Variants in BCO1 observed in about 807,000 individuals in gnomAD.
BCO1 encodes beta-carotene oxygenase 1.
In BCO1, 54 loss-of-function variants were observed where a neutral mutation model predicts 56.3. The ratio of observed to expected loss-of-function variants is 0.96; its 90% confidence interval spans 0.77 to 1.20. The LOEUF is 1.20. Among genes scored for constraint, BCO1 ranks in the 50% most tolerant of loss-of-function variants. The probability of loss-of-function intolerance (pLI) is 0.00; values close to 1 mark genes in which losing one functional copy is unlikely to be tolerated. For missense variants in BCO1, 801 were observed against 690.9 expected (o/e 1.16, Z -1.79); for synonymous variants, 318 against 266.1 (o/e 1.20, Z -1.90).
intron 2 of BCO1, among the ~76,000 whole-genome samples, chr16:81,258,791 A>G (rs1170138880): frequency 1.3e-5 from 2 of 152,240 alleles, no homozygotes; most frequent in East Asian, 1.9e-4. Flanking sequence ...CGGGTAATTT[A>G]TAAAGAAAAG....
chr16:81,245,268 C>G (rs1288274941), intron 1 of BCO1, among the ~76,000 whole-genome samples: 2 of 152,210 alleles, frequency 1.3e-5, no homozygotes, highest in Non-Finnish European at 2.9e-5. Context: ...AGTTTGAGGA[C>G]AGGGACAGTG....
At chr16:81,241,865 T>G (rs6564856) in intron 1 of BCO1, among the ~76,000 whole-genome samples, 50,536 of 151,980 alleles carry the variant, frequency 0.33, 8,581 homozygotes, top group East Asian at 0.37. Flanking sequence ...GTTTTGGCTT[T>G]GTAACTGGCT....
chr16:81,265,937 C>G (rs1158369112), intron 5 of BCO1, among the ~76,000 whole-genome samples: 3 of 151,894 alleles, frequency 2.0e-5, no homozygotes, highest in Non-Finnish European at 1.5e-5. Flanking sequence ...TACCACCCAT[C>G]TATTCACTCA....
chr16:81,256,399 A>G (rs1222944170), intron 2 of BCO1, among the ~76,000 whole-genome samples: 1 of 152,162 alleles, frequency 6.6e-6, no homozygotes, highest in Admixed American at 6.6e-5. Flanking sequence ...ATTGGAATGC[A>G]ATGTCACTGT....
rs145498360 is a variant in BCO1, at chr16:81,279,853, G to T, written c.1102-1004G>T. Reference sequence around the variant, plus strand: ...ACCAAATAATTTTTATTGCATGTTTGTTTTCATTTCTGCAGTGATAACTTT... The same window carrying T: ...ACCAAATAATTTTTATTGCATGTTTTTTTTCATTTCTGCAGTGATAACTTT... On this transcript the variant is annotated intron_variant, in intron 7 of 10. Transcript: ENST00000258168. Among the ~76,000 whole-genome samples the T allele has an allele frequency of 2.0e-5, 3 of 152,228 alleles. No individual in the cohort carries two copies. The East Asian group carries it at 5.8e-4, about 29-fold the overall frequency.
At chr16:81,281,644 T>A (rs1276230924) in intron 8 of BCO1, among the ~76,000 whole-genome samples, 1 of 151,658 alleles carries the variant, frequency 6.6e-6, no homozygotes, top group African/African-American at 2.4e-5. Flanking sequence ...GGCCTGGGAG[T>A]CCTTGAGGTA....
intron 7 of BCO1, among the ~76,000 whole-genome samples, chr16:81,273,979 C>T (rs9937350): frequency 0.78 from 118,108 of 152,192 alleles, 46,387 homozygotes; most frequent in African/African-American, 0.89. Flanking sequence ...TGAACAGCCA[C>T]GTCCCATGAA....
At chr16:81,254,390 A>G (rs945920606) in intron 2 of BCO1, among the ~76,000 whole-genome samples, 1 of 143,250 alleles carries the variant, frequency 7.0e-6, no homozygotes, top group Non-Finnish European at 1.5e-5. Context: ...ACCTCAGACG[A>G]TCCGCCCATC....
chr16:81,269,575 C>A lies in BCO1; in HGVS notation c.844-584C>A, dbSNP rs1466945396. Among the ~76,000 whole-genome samples the A allele has an allele frequency of 3.3e-5, 5 of 152,194 alleles. No individual in the cohort carries two copies. The East Asian group carries it at 9.6e-4, about 29-fold the overall frequency. ...CTCCACCTCCTGGGTTCAAGCGATT[C>A]TCCTGCCTCCACCTCCTGAGTAGTT... On this transcript the variant is annotated intron_variant, in intron 6 of 10. Transcript: ENST00000258168.
intron 2 of BCO1, among the ~76,000 whole-genome samples, chr16:81,251,000 CA>C (rs1905762854): frequency 6.6e-6 from 1 of 152,184 alleles, no homozygotes; most frequent in African/African-American, 2.4e-5. Context: ...TGAGGTTTGA[CA>C]ATCCCTCCAC....
intron 1 of BCO1, among the ~76,000 whole-genome samples, chr16:81,242,063 A>G (rs1175863154): frequency 2.6e-5 from 4 of 151,826 alleles, no homozygotes; most frequent in Non-Finnish European, 5.9e-5. Context: ...TGTCCTATCT[A>G]GGGCTTTAAT....
chr16:81,257,746 G>T (rs1159107827), intron 2 of BCO1, among the ~76,000 whole-genome samples: 3 of 151,840 alleles, frequency 2.0e-5, no homozygotes, highest in Admixed American at 6.6e-5. Context: ...GGGCATGGTG[G>T]CACATGCCTG....
At chr16:81,282,429 TC>T (rs1907935480) in intron 8 of BCO1, among the ~76,000 whole-genome samples, 1 of 152,242 alleles carries the variant, frequency 6.6e-6, no homozygotes, top group East Asian at 1.9e-4. Context: ...AGAGCCTTGT[TC>T]CATCAGCTGC....
intron 1 of BCO1, among the ~76,000 whole-genome samples, chr16:81,244,643 C>G (rs1567697393): frequency 6.6e-6 from 1 of 152,062 alleles, no homozygotes. Context: ...ACCACACCCT[C>G]CTGCTCTCAG....
Position 81,280,889 on chromosome 16 carries a change from G to A in BCO1, c.1134G>A (p.Val378=), listed in dbSNP as rs1165503120. The A allele has an allele frequency of 2.5e-6, 4 of 1,614,014 alleles. No homozygotes were observed. Among genetic ancestry groups the A allele is most frequent in the African/African-American group, 1.3e-5 (1 of 75,038 alleles). ...AAGTGGGCACAAATTTAATCAAAGT[G>A]GCATCTACAACAGCCACGGCCCTGA... is the stretch of plus-strand genomic sequence containing the variant. ...NAEVGTNLIK[V]ASTTATALKE... Residue 378 remains valine, a synonymous_variant, in exon 8 of 11, where the codon GTG becomes GTA. Coordinates refer to ENST00000258168, the MANE Select transcript of BCO1 (RefSeq NM_017429.3).
intron 6 of BCO1, among the ~76,000 whole-genome samples, chr16:81,268,473 C>T (rs1238567781): frequency 6.6e-6 from 1 of 152,178 alleles, no homozygotes; most frequent in East Asian, 1.9e-4. Flanking sequence ...CACCTCCGCC[C>T]TGTTGACAAG....
intron 7 of BCO1, among the ~76,000 whole-genome samples, chr16:81,273,339 C>T (rs554264499): frequency 6.6e-6 from 1 of 152,244 alleles, no homozygotes; most frequent in Admixed American, 6.5e-5. Context: ...TCCCCAGTAG[C>T]CCTAAGTCCT....
At chr16:81,287,868 G>A (rs1192007570) in intron 10 of BCO1, among the ~76,000 whole-genome samples, 2 of 152,124 alleles carry the variant, frequency 1.3e-5, no homozygotes, top group Non-Finnish European at 2.9e-5. Flanking sequence ...CTGCCAGCCA[G>A]GAAGCTCCCC....
Position 81,287,393 on chromosome 16 carries a change from G to A in BCO1, c.1401G>A (p.Lys467=). The change falls in exon 10 of 11, where the codon AAG becomes AAA. Residue 467 remains lysine, a synonymous_variant. Transcript: ENST00000258168. ...TGTTTGTGCCCGCGCCAGGTGCCAA[G>A]GATGAGGATGACGGTAAGACTCTAA... The part of the protein sequence containing the change: ...EPLFVPAPGA[K]DEDDGVILSA... The A allele has an allele frequency of 6.2e-7, 1 of 1,613,792 alleles. No individual in the cohort carries two copies.
Sources: allele counts gnomAD v4.1 joint callset (sites outside exome capture counted in the v4.1 genomes callset), GRCh38; gene constraint gnomAD v4.1.1; transcripts MANE v1.5; gene names NCBI Gene and HGNC (gene_info 2026-07-23, HGNC 2026-07-21).